Variants in HPSE2 observed in about 807,000 individuals in gnomAD.
The protein encoded by HPSE2 is inactive heparanase-2.
HPSE2 carries 38 observed loss-of-function variants against 60.5 expected under a neutral mutation model. The observed-to-expected ratio is 0.63, with a 90% CI of 0.48 to 0.82. The LOEUF is 0.82. Among genes scored for constraint, HPSE2 ranks in the 40% least tolerant of loss-of-function variants. HPSE2 has a pLI of 0.00. For synonymous variants in HPSE2, 295 were observed against 293.2 expected, an observed-to-expected ratio of 1.01 and a Z score of -0.06; for missense variants, 713 against 740.4, an observed-to-expected ratio of 0.96 and a Z score of 0.43.
rs543393629 is a variant in HPSE2, at chr10:98,531,996, A to G, written c.1321-41800T>C. ...TTTCATATTGACATTTAAACCAAGC[A>G]AATATATTTTAAGGTAAATTAGCCC... is the stretch of plus-strand genomic sequence containing the variant. On this transcript the variant is annotated intron_variant, in intron 9 of 11. Coordinates refer to ENST00000370552, the MANE Select transcript of HPSE2 (RefSeq NM_021828.5). Among the ~76,000 whole-genome samples the G allele has an allele frequency of 8.9e-4, 136 of 152,336 alleles. No homozygotes were observed. The Middle Eastern group carries it at 0.014, about 15-fold the overall frequency.
chr10:98,758,419 T>C (rs1182795930), intron 3 of HPSE2, among the ~76,000 whole-genome samples: 2 of 151,956 alleles, frequency 1.3e-5, no homozygotes, highest in African/African-American at 2.4e-5. Flanking sequence ...GAGAGAATAT[T>C]TGCAATCTAT....
rs541720506 is a variant in HPSE2 at position 99,183,547 on chromosome 10, T to C, written c.449-39148A>G. Among the ~76,000 whole-genome samples, 3 of 152,306 alleles carry C rather than the reference T, an allele frequency of 2.0e-5. No homozygotes were observed. The South Asian group carries it at 6.2e-4, about 32-fold the overall frequency. ...ACATGCCTCCTTGGCCCTCCCTAAT[T>C]CCTGTTTTCTTACACATTGTTACAT... On this transcript the variant is annotated intron_variant, in intron 2 of 11. Transcript: ENST00000370552.
At chr10:98,962,803 C>T (rs1158949754) in intron 3 of HPSE2, among the ~76,000 whole-genome samples, 1 of 150,504 alleles carries the variant, frequency 6.6e-6, no homozygotes, top group Non-Finnish European at 1.5e-5. Flanking sequence ...AAACAGAGAG[C>T]CAAATCATGG....
intron 9 of HPSE2, among the ~76,000 whole-genome samples, chr10:98,502,415 T>C (rs1942055985): frequency 6.6e-6 from 1 of 152,202 alleles, no homozygotes; most frequent in Non-Finnish European, 1.5e-5. Context: ...AGCCAACTGA[T>C]CTTCGACAAA....
chr10:98,840,817 T>C (rs1951893611), intron 3 of HPSE2, among the ~76,000 whole-genome samples: 2 of 152,220 alleles, frequency 1.3e-5, no homozygotes. Context: ...GCAAGTCATG[T>C]TAGCCAGATT....
intron 3 of HPSE2, among the ~76,000 whole-genome samples, chr10:98,928,360 A>G (rs11189875): frequency 0.43 from 16,650 of 38,410 alleles, 7,198 homozygotes; most frequent in African/African-American, 0.88. Flanking sequence ...AGAGGATGTG[A>G]AGAAATAGGA....
intron 4 of HPSE2, among the ~76,000 whole-genome samples, chr10:98,734,882 G>T (rs1949310850): frequency 1.0e-5 from 1 of 99,130 alleles, no homozygotes; most frequent in Admixed American, 1.2e-4. Flanking sequence ...CATATAATTT[G>T]TCCCTTACAC....
At chr10:98,658,643 C>T (rs781160147) in intron 6 of HPSE2, among the ~76,000 whole-genome samples, 8 of 151,572 alleles carry the variant, frequency 5.3e-5, no homozygotes, top group African/African-American at 7.3e-5. Flanking sequence ...TGCTTTCTTC[C>T]GAAGCTTCAG....
intron 3 of HPSE2, among the ~76,000 whole-genome samples, chr10:99,049,958 T>C (rs1256484262): frequency 6.6e-6 from 1 of 152,162 alleles, no homozygotes; most frequent in Non-Finnish European, 1.5e-5. Context: ...TCACTATATA[T>C]AAATGGCTAA....
chr10:98,750,138 C>T (rs1314744421), intron 3 of HPSE2, among the ~76,000 whole-genome samples: 1 of 151,564 alleles, frequency 6.6e-6, no homozygotes, highest in South Asian at 2.1e-4. Context: ...ATCAGAGACC[C>T]AATGGAAAGA....
intron 6 of HPSE2, among the ~76,000 whole-genome samples, chr10:98,659,664 T>G (rs1308022377): frequency 6.6e-6 from 1 of 152,262 alleles, no homozygotes; most frequent in African/African-American, 2.4e-5. Context: ...TTTTCAATTC[T>G]TTGGAGCATA....
upstream of HPSE2, among the ~76,000 whole-genome samples, chr10:99,236,915 A>T (rs1396429193): frequency 6.6e-6 from 1 of 151,948 alleles, no homozygotes; most frequent in Non-Finnish European, 1.5e-5. Context: ...TCAATCCTAT[A>T]CTTAGCCCTC....
intron 3 of HPSE2, among the ~76,000 whole-genome samples, chr10:99,022,530 T>G (rs748750627): frequency 6.6e-6 from 1 of 151,998 alleles, no homozygotes; most frequent in Non-Finnish European, 1.5e-5. Context: ...GACAAGGAAG[T>G]GCTTGCACGA....
In HPSE2 at chr10:98,459,729, G is replaced by A; in HGVS notation, c.1624C>T (p.Leu542=). Residue 542 remains leucine, a synonymous_variant, in exon 12 of 12, where the codon CTG becomes TTG. Transcript: ENST00000370552. ...ACCATCACTAAGGGCTGGCCATTCA[G>A]TTGCACTGACCTACAGTGAGGAAAA... is the stretch of plus-strand genomic sequence containing the variant. ...QEGLKSKSVQ[L]NGQPLVMVDD... 1 of 1,613,528 alleles carries A rather than the reference G, an allele frequency of 6.2e-7. No homozygotes were observed. Among genetic ancestry groups the A allele is most frequent in the East Asian group, 2.2e-5 (1 of 44,880 alleles).
intron 9 of HPSE2, among the ~76,000 whole-genome samples, chr10:98,609,248 T>G (rs1945680659): frequency 6.6e-6 from 1 of 152,198 alleles, no homozygotes; most frequent in African/African-American, 2.4e-5. Flanking sequence ...CCCTGCTAAC[T>G]TGTCTATCTC....
At chr10:98,686,936 A>G (rs1289320383) in intron 6 of HPSE2, among the ~76,000 whole-genome samples, 2 of 152,216 alleles carry the variant, frequency 1.3e-5, no homozygotes, top group African/African-American at 4.8e-5. Flanking sequence ...TCTGTTTGAC[A>G]GTGTTATTAA....
intron 2 of HPSE2, among the ~76,000 whole-genome samples, chr10:99,197,818 T>A (rs1848452105): frequency 6.6e-6 from 1 of 152,162 alleles, no homozygotes. Flanking sequence ...CCCATCACTT[T>A]GGGAGGCCAA....
At chr10:98,539,468 C>T (rs1242235536) in intron 9 of HPSE2, among the ~76,000 whole-genome samples, 1 of 152,110 alleles carries the variant, frequency 6.6e-6, no homozygotes, top group Non-Finnish European at 1.5e-5. Flanking sequence ...TTGCAGTGAG[C>T]CCAGATCACG....
At chr10:98,536,204 A>G (rs1430147583) in intron 9 of HPSE2, among the ~76,000 whole-genome samples, 1 of 152,230 alleles carries the variant, frequency 6.6e-6, no homozygotes, top group Non-Finnish European at 1.5e-5. Flanking sequence ...GGTGGAATGG[A>G]CAACAGAAAA....
Sources: gnomAD v4.1 joint callset for allele counts (sites outside exome capture counted in the v4.1 genomes callset) on GRCh38, gnomAD v4.1.1 for gene constraint, MANE v1.5 for transcripts, NCBI Gene and HGNC (gene_info 2026-07-23, HGNC 2026-07-21) for gene names.